The following CAMKMT variants were observed in gnomAD, a reference collection of about 807,000 sequenced individuals.
The protein encoded by CAMKMT is CaM KMT.
In CAMKMT, 53 loss-of-function variants were observed where a neutral mutation model predicts 48.0. That is an observed-to-expected ratio of 1.10 (90% CI 0.89 to 1.39). The LOEUF (loss-of-function observed/expected upper bound fraction) is 1.39, where lower values mean the gene tolerates loss of function less well. CAMKMT is among the 40% of genes most tolerant of loss of function. The pLI is 0.00. For missense variants in CAMKMT, 428 were observed against 402.7 expected (o/e 1.06, Z -0.54); for synonymous variants, 165 against 152.3 (o/e 1.08, Z -0.61).
At chr2:44,651,499 C>T (rs569021510) in intron 3 of CAMKMT, among the ~76,000 whole-genome samples, 5 of 152,264 alleles carry the variant, frequency 3.3e-5, no homozygotes, top group Admixed American at 3.3e-4. Flanking sequence ...GCCTGGCCAA[C>T]GTGGTGAAAC....
intron 7 of CAMKMT, among the ~76,000 whole-genome samples, chr2:44,729,870 G>T (rs1449657318): frequency 6.6e-6 from 1 of 152,134 alleles, no homozygotes; most frequent in Admixed American, 6.6e-5. Context: ...ATATTCCAAG[G>T]CCCCACCTCA....
rs144179347 is a variant in CAMKMT, at chr2:44,495,278, C to T, written c.376+104973C>T. ...GCCTACGCCTCCTGAGTAGCCTGGACTACAGGTGCATGCCACCTGCCCAGC... is the reference window on the plus strand; with the variant it reads ...GCCTACGCCTCCTGAGTAGCCTGGATTACAGGTGCATGCCACCTGCCCAGC... On this transcript the variant is annotated intron_variant, in intron 3 of 10. Coordinates refer to ENST00000378494, the MANE Select transcript of CAMKMT (RefSeq NM_024766.5). Among the ~76,000 whole-genome samples the T allele has an allele frequency of 3.8e-3, 571 of 152,120 alleles. 1 individual carries two copies. Among genetic ancestry groups the T allele is most frequent in the African/African-American group, 0.013 (542 of 41,496 alleles).
chr2:44,598,846 C>T (rs1670821867), intron 3 of CAMKMT, among the ~76,000 whole-genome samples: 1 of 150,836 alleles, frequency 6.6e-6, no homozygotes, highest in Admixed American at 6.6e-5. Flanking sequence ...GGCTATATAC[C>T]ATCACAGGTG....
At chr2:44,744,674 G>A (rs1023267190) in intron 8 of CAMKMT, among the ~76,000 whole-genome samples, 3 of 152,088 alleles carry the variant, frequency 2.0e-5, no homozygotes, top group African/African-American at 7.2e-5. Context: ...ACTTTCCCTA[G>A]AGGAGAATTG....
chr2:44,468,560 T>G (rs1459781226), intron 3 of CAMKMT, among the ~76,000 whole-genome samples: 2 of 152,232 alleles, frequency 1.3e-5, no homozygotes, highest in Non-Finnish European at 2.9e-5. Context: ...CCATGTTTAT[T>G]GCAGCACTGT....
chr2:44,487,806 C>T (rs1195832489), intron 3 of CAMKMT, among the ~76,000 whole-genome samples: 1 of 152,244 alleles, frequency 6.6e-6, no homozygotes, highest in African/African-American at 2.4e-5. Flanking sequence ...AATAAAGTGG[C>T]TTTCCACTAG....
At chr2:44,610,008 A>G (rs1250919257) in intron 3 of CAMKMT, among the ~76,000 whole-genome samples, 1 of 152,198 alleles carries the variant, frequency 6.6e-6, no homozygotes, top group Non-Finnish European at 1.5e-5. Context: ...TCTTAGCCTA[A>G]GGCATTGACT....
At chr2:44,382,061 C>G (rs966869364) in intron 2 of CAMKMT, among the ~76,000 whole-genome samples, 1 of 151,482 alleles carries the variant, frequency 6.6e-6, no homozygotes, top group Non-Finnish European at 1.5e-5. Flanking sequence ...CCTGCCTCAG[C>G]CTCCTGAGTA....
At chr2:44,398,246 T>C (rs1212084742) in intron 3 of CAMKMT, among the ~76,000 whole-genome samples, 1 of 152,208 alleles carries the variant, frequency 6.6e-6, no homozygotes, top group African/African-American at 2.4e-5. Flanking sequence ...ACTTTATTTC[T>C]TAAAGGCTAC....
intron 3 of CAMKMT, among the ~76,000 whole-genome samples, chr2:44,510,966 A>G (rs1357603681): frequency 1.3e-5 from 2 of 151,766 alleles, no homozygotes; most frequent in Non-Finnish European, 2.9e-5. Context: ...TCAGCCTCCC[A>G]AGTAGCTGGG....
chr2:44,584,373 C>G (rs1048668930), intron 3 of CAMKMT, among the ~76,000 whole-genome samples: 4 of 152,086 alleles, frequency 2.6e-5, no homozygotes, highest in Admixed American at 2.6e-4. Flanking sequence ...GGGATATTAC[C>G]TTATATTCAC....
chr2:44,730,405 G>A (rs1371930765), intron 7 of CAMKMT, among the ~76,000 whole-genome samples: 2 of 152,194 alleles, frequency 1.3e-5, no homozygotes, highest in Non-Finnish European at 2.9e-5. Context: ...TCATTTGAAT[G>A]TCTTGTCTTC....
Position 44,526,611 on chromosome 2 carries a change from C to G in CAMKMT, c.376+136306C>G, listed in dbSNP as rs559099519. On this transcript the variant is annotated intron_variant, in intron 3 of 10. Coordinates refer to ENST00000378494, the MANE Select transcript of CAMKMT (RefSeq NM_024766.5). Reference sequence around the variant, plus strand: ...GTTTGAGGGCAAGAGGACGGATGCCCCAGCTCAGGTAGAGAGAGAGCAAAT... The same window carrying G: ...GTTTGAGGGCAAGAGGACGGATGCCGCAGCTCAGGTAGAGAGAGAGCAAAT... Among the ~76,000 whole-genome samples the G allele has an allele frequency of 1.2e-4, 19 of 152,208 alleles. 1 individual carries two copies. The highest frequency in any genetic ancestry group is 4.6e-4 in the African/African-American group (19 of 41,556).
chr2:44,513,282 G>C (rs1443867342), intron 3 of CAMKMT, among the ~76,000 whole-genome samples: 1 of 148,294 alleles, frequency 6.7e-6, no homozygotes, highest in East Asian at 2.0e-4. Flanking sequence ...AGGGCCAAAG[G>C]AGAGGGGGAC....
chr2:44,711,212 A>C (rs1677858831), intron 6 of CAMKMT, among the ~76,000 whole-genome samples: 2 of 152,146 alleles, frequency 1.3e-5, no homozygotes, highest in Admixed American at 1.3e-4. Context: ...AGTCATAAGT[A>C]AACTATATGT....
chr2:44,472,257 T>C (rs1387321378), intron 3 of CAMKMT, among the ~76,000 whole-genome samples: 1 of 152,154 alleles, frequency 6.6e-6, no homozygotes, highest in Non-Finnish European at 1.5e-5. Context: ...GTGTTTTTAG[T>C]AGAGATGGGG....
At chr2:44,390,189 A>G (rs1450663033) in intron 2 of CAMKMT, 52 bp from the exon 3 acceptor site, 2 of 1,437,982 alleles carry the variant, frequency 1.4e-6, no homozygotes, top group East Asian at 4.6e-5. Context: ...TTTGAATACT[A>G]AAAATGTTAA....
At chr2:44,687,510 T>C (rs1676404353) in intron 3 of CAMKMT, among the ~76,000 whole-genome samples, 1 of 152,228 alleles carries the variant, frequency 6.6e-6, no homozygotes, top group African/African-American at 2.4e-5. Context: ...GTCAATTTGC[T>C]CCCTTCACTG....
chr2:44,382,830 C>T (rs972268573), intron 2 of CAMKMT, among the ~76,000 whole-genome samples: 2 of 152,128 alleles, frequency 1.3e-5, no homozygotes, highest in African/African-American at 2.4e-5. Context: ...GCCTCTGTGG[C>T]AGAAATAAAG....
Sources: gnomAD v4.1 joint callset for allele counts (sites outside exome capture counted in the v4.1 genomes callset) on GRCh38, gnomAD v4.1.1 for gene constraint, MANE v1.5 for transcripts, NCBI Gene and HGNC (gene_info 2026-07-23, HGNC 2026-07-21) for gene names.